Variants in LRRC7 observed in about 807,000 individuals in gnomAD.
The protein encoded by LRRC7 is leucine-rich repeat-containing protein 7.
In LRRC7, 23 loss-of-function variants were observed where a neutral mutation model predicts 175.7. The ratio of observed to expected loss-of-function variants is 0.13; its 90% CI spans 0.09 to 0.19. The LOEUF (loss-of-function observed/expected upper bound fraction) is 0.19. LRRC7 is among the 10% of genes least tolerant of loss of function. LRRC7 has a pLI of 1.00. For missense variants in LRRC7, 1,354 were observed against 1,904.7 expected, an observed-to-expected ratio of 0.71 and a Z score of 5.38; for synonymous variants, 685 against 680.9, an observed-to-expected ratio of 1.01 and a Z score of -0.09.
At chr1:69,647,063 C>T (rs1655104295) in intron 1 of LRRC7, among the ~76,000 whole-genome samples, 1 of 152,074 alleles carries the variant, frequency 6.6e-6, no homozygotes, top group Non-Finnish European at 1.5e-5. Flanking sequence ...TATATGTCCC[C>T]ACTAGAAATG....
intron 11 of LRRC7, among the ~76,000 whole-genome samples, chr1:69,997,232 T>C (rs1417983679): frequency 1.3e-5 from 2 of 152,234 alleles, no homozygotes; most frequent in Non-Finnish European, 2.9e-5. Flanking sequence ...ATGCTTGTGA[T>C]TTTTGTACAT....
At chr1:70,078,868 G>A (rs1168880027) in intron 24 of LRRC7, among the ~76,000 whole-genome samples, 3 of 150,738 alleles carry the variant, frequency 2.0e-5, no homozygotes, top group Non-Finnish European at 3.0e-5. Context: ...CGTAAGCTTA[G>A]CACTGAGGGT....
At chr1:69,693,181 C>A (rs546123595) in intron 2 of LRRC7, among the ~76,000 whole-genome samples, 25 of 152,096 alleles carry the variant, frequency 1.6e-4, no homozygotes, top group Non-Finnish European at 3.2e-4. Context: ...TGCAATAAAT[C>A]TCATTGACCC....
intron 8 of LRRC7, among the ~76,000 whole-genome samples, chr1:69,966,958 A>G (rs1651726737): frequency 6.6e-6 from 1 of 152,184 alleles, no homozygotes. Flanking sequence ...TCCTGGCCAG[A>G]ACTCAGGGGA....
At chr1:70,101,898 A>G (rs1310369397) in intron 25 of LRRC7, among the ~76,000 whole-genome samples, 1 of 152,162 alleles carries the variant, frequency 6.6e-6, no homozygotes, top group Admixed American at 6.5e-5. Context: ...CCTGTCTCAA[A>G]CATGTCTGAA....
intron 3 of LRRC7, among the ~76,000 whole-genome samples, chr1:69,778,281 T>C (rs1243344788): frequency 6.6e-6 from 1 of 152,158 alleles, no homozygotes; most frequent in Non-Finnish European, 1.5e-5. Flanking sequence ...ATATGTTTAT[T>C]GAATGCTTAC....
At chr1:70,039,946 A>C (rs1659719657) in intron 21 of LRRC7, among the ~76,000 whole-genome samples, 153 bp downstream of exon 21, 1 of 152,226 alleles carries the variant, frequency 6.6e-6, no homozygotes, top group South Asian at 2.1e-4. Context: ...AATGGATCAT[A>C]ATAGTTTTTC....
At position 70,037,255 on chromosome 1, in the gene LRRC7, T is replaced by C. The variant is rs1177860213; in HGVS notation, c.2288+631T>C. On this transcript the variant is annotated intron_variant, in intron 20 of 26. Transcript: ENST00000651989. Reference sequence around the variant, plus strand: ...TACAAATAGCAAATTAAAATTGTTATATAGGTAGTCAATAACTTTTACTCA... The same window carrying C: ...TACAAATAGCAAATTAAAATTGTTACATAGGTAGTCAATAACTTTTACTCA... 4.6e-5 allele frequency among the ~76,000 whole-genome samples: 7 copies of C among 152,242 alleles called. No individual in the cohort carries two copies. The East Asian group carries it at 9.6e-4, about 21-fold the overall frequency.
intron 3 of LRRC7, among the ~76,000 whole-genome samples, chr1:69,762,951 T>A (rs1226739584): frequency 6.6e-6 from 1 of 152,022 alleles, no homozygotes; most frequent in Non-Finnish European, 1.5e-5. Context: ...GAATTTTTTT[T>A]ACTTTCATAA....
chr1:69,704,755 A>G (rs114614828), intron 2 of LRRC7, among the ~76,000 whole-genome samples: 2,844 of 152,088 alleles, frequency 0.019, 92 homozygotes, highest in African/African-American at 0.063. Context: ...TCAAGCCCAG[A>G]TATAACAAGC....
intron 7 of LRRC7, among the ~76,000 whole-genome samples, chr1:69,839,753 C>A (rs12024702): frequency 0.064 from 9,648 of 151,918 alleles, 357 homozygotes; most frequent in East Asian, 0.15. Context: ...ATTTGAAGTA[C>A]AAAATAAACC....
intron 1 of LRRC7, among the ~76,000 whole-genome samples, chr1:69,676,473 T>A (rs1016667676): frequency 1.3e-5 from 2 of 152,140 alleles, no homozygotes; most frequent in African/African-American, 2.4e-5. Flanking sequence ...TCCTGAGCAT[T>A]CAATTTTTTT....
At chr1:69,711,395 G>T (rs1187611171) in intron 2 of LRRC7, among the ~76,000 whole-genome samples, 3 of 152,160 alleles carry the variant, frequency 2.0e-5, no homozygotes, top group African/African-American at 7.2e-5. Flanking sequence ...CAAAACACTA[G>T]AGAACATTGA....
Position 70,128,792 on chromosome 1 carries a change from T to C in LRRC7, c.*6905T>C, listed in dbSNP as rs988613498. 1 of 152,178 alleles carries C rather than the reference T, an allele frequency of 6.6e-6. No homozygotes were observed. Among genetic ancestry groups the C allele is most frequent in the Non-Finnish European group, 1.5e-5 (1 of 68,054 alleles). The allele number at this position is 152,178 out of a possible 1,614,324, so 9.4% of individuals were successfully genotyped here. On this transcript the variant is annotated 3_prime_UTR_variant, in exon 27 of 27. Coordinates refer to ENST00000651989, the MANE Select transcript of LRRC7 (RefSeq NM_001370785.2). ...CCACATCAAAGACAGTACAAGGCAA[T>C]GTGGTGAGTCCCTTTATTCCTGCCC...
chr1:69,931,400 T>C, intron 7 of LRRC7, 107 bp from the exon 8 acceptor site: 2 of 792,888 alleles, frequency 2.5e-6, no homozygotes, highest in East Asian at 2.7e-5. Flanking sequence ...CCCCCAGTTT[T>C]GTGTACTACG....
chr1:69,822,019 C>T (rs1266419842), intron 4 of LRRC7, among the ~76,000 whole-genome samples: 1 of 152,158 alleles, frequency 6.6e-6, no homozygotes, highest in Non-Finnish European at 1.5e-5. Context: ...TCTTTACTGA[C>T]TTGCTTCAGG....
intron 2 of LRRC7, among the ~76,000 whole-genome samples, chr1:69,722,153 A>ATT (rs36005991): frequency 6.9e-5 from 10 of 144,424 alleles, no homozygotes; most frequent in African/African-American, 1.3e-4. Flanking sequence ...ATATATATAT[A>ATT]TTTTCTCCTT....
Position 69,760,196 on chromosome 1 carries a change from T to G in LRRC7, c.106T>G (p.Cys36Gly). The G allele has an allele frequency of 6.2e-7, 1 of 1,612,642 alleles. No homozygotes were observed. Among genetic ancestry groups the G allele is most frequent in the Non-Finnish European group, 8.5e-7 (1 of 1,179,096 alleles). The change falls in exon 3 of 27, where the codon TGC (cysteine) becomes GGC (glycine). Residue 36 changes from cysteine (C) to glycine (G), a missense_variant. Physicochemically the swap from Cys to Gly is radical, Grantham distance 159 (BLOSUM62 -3). Coordinates refer to ENST00000651989, the MANE Select transcript of LRRC7 (RefSeq NM_001370785.2). Reference protein sequence around the residue: ...LRKRPEEELQCLEMTTKRKII... With the variant: ...LRKRPEEELQGLEMTTKRKII... ...TTGTTTCTGCGTTTCTCTAGTGCAG[T>G]GCCTGGAGATGACCACCAAACGGAA...
At chr1:69,934,203 A>G (rs1647708094) in intron 8 of LRRC7, among the ~76,000 whole-genome samples, 1 of 152,152 alleles carries the variant, frequency 6.6e-6, no homozygotes, top group African/African-American at 2.4e-5. Flanking sequence ...TTGACACCGT[A>G]GGAGATTATC....
Sources: allele counts gnomAD v4.1 joint callset (sites outside exome capture counted in the v4.1 genomes callset), GRCh38; gene constraint gnomAD v4.1.1; transcripts MANE v1.5; gene names NCBI Gene and HGNC (gene_info 2026-07-23, HGNC 2026-07-21).